SCAPER: variants seen among roughly 807,000 people sequenced by gnomAD.
SCAPER encodes S-phase cyclin A associated protein in the ER.
SCAPER carries 98 observed loss-of-function variants against 182.2 expected under a neutral mutation model. The ratio of observed to expected loss-of-function variants is 0.54; its 90% CI spans 0.46 to 0.64. The LOEUF (loss-of-function observed/expected upper bound fraction) is 0.64. Ranked by LOEUF, SCAPER falls within the 30% of genes least tolerant of loss-of-function variation. The pLI, the probability that SCAPER is intolerant of heterozygous loss-of-function variation, is 0.00. For synonymous variants in SCAPER, 605 were observed against 564.6 expected (o/e 1.07, Z -1.01); for missense variants, 1,432 against 1,690.0 (o/e 0.85, Z 2.68).
chr15:76,763,129 T>C (rs1568048616), intron 14 of SCAPER, among the ~76,000 whole-genome samples: 1 of 152,214 alleles, frequency 6.6e-6, no homozygotes, highest in African/African-American at 2.4e-5. Flanking sequence ...TCCATTAGCA[T>C]TTCTTCTCAG....
chr15:76,778,490 G>T (rs966258746), intron 8 of SCAPER, among the ~76,000 whole-genome samples: 2 of 152,054 alleles, frequency 1.3e-5, no homozygotes, highest in Non-Finnish European at 2.9e-5. Flanking sequence ...GGCAAGAAAT[G>T]CAAAGCAGTT....
intron 22 of SCAPER, 91 bp from the exon 23 acceptor site, chr15:76,574,375 A>G: frequency 1.4e-6 from 2 of 1,430,758 alleles, no homozygotes; most frequent in East Asian, 2.5e-5. Flanking sequence ...AGTTACTTTC[A>G]GTATTGGATT....
intron 21 of SCAPER, among the ~76,000 whole-genome samples, chr15:76,661,087 T>G (rs2056116470): frequency 6.6e-6 from 1 of 152,118 alleles, no homozygotes; most frequent in African/African-American, 2.4e-5. Context: ...CCCAATACAA[T>G]ACTATCACAA....
Position 76,851,404 on chromosome 15 carries a change from T to G in SCAPER, c.195+6405A>C, listed in dbSNP as rs1428088938. 6.6e-5 allele frequency among the ~76,000 whole-genome samples: 10 copies of G among 151,166 alleles called. No homozygotes were observed. In the East Asian group the frequency reaches 1.9e-3, roughly 29 times the overall value. On this transcript the variant is annotated intron_variant, in intron 4 of 31. Transcript: ENST00000563290. ...ATGTAATCATCAGATTTTCCAAGGT[T>G]GAAATGAAAGAAAAAATGTTGAAGG...
At chr15:76,669,467 C>G (rs920531856) in intron 20 of SCAPER, among the ~76,000 whole-genome samples, 2 of 152,156 alleles carry the variant, frequency 1.3e-5, no homozygotes, top group Non-Finnish European at 2.9e-5. Context: ...CCCATTATCT[C>G]CCAAAGACAT....
At chr15:76,756,885 T>C (rs913630232) in intron 14 of SCAPER, among the ~76,000 whole-genome samples, 1 of 151,962 alleles carries the variant, frequency 6.6e-6, no homozygotes, top group African/African-American at 2.4e-5. Flanking sequence ...TCATAGCTTA[T>C]TATATGATAA....
At chr15:76,393,553 T>C (rs1172604807) in intron 27 of SCAPER, among the ~76,000 whole-genome samples, 2 of 152,086 alleles carry the variant, frequency 1.3e-5, no homozygotes, top group African/African-American at 4.8e-5. Context: ...TAGGGTAGGG[T>C]GGAAAGTAGC....
intron 4 of SCAPER, among the ~76,000 whole-genome samples, chr15:76,857,458 AAAG>A (rs1290164164): frequency 6.6e-6 from 1 of 151,950 alleles, no homozygotes; most frequent in Non-Finnish European, 1.5e-5. Context: ...TAAAAAAAAA[AAAG>A]AAAAAAATTA....
chr15:76,842,728 A>G (rs1322037273), intron 4 of SCAPER, among the ~76,000 whole-genome samples: 1 of 152,164 alleles, frequency 6.6e-6, no homozygotes, highest in Non-Finnish European at 1.5e-5. Flanking sequence ...CACTTCTTAG[A>G]GTATGTATTA....
chr15:76,369,125 C>T (rs1378409311), intron 29 of SCAPER, among the ~76,000 whole-genome samples: 2 of 152,180 alleles, frequency 1.3e-5, no homozygotes, highest in Admixed American at 6.5e-5. Context: ...CTCAGTCTTT[C>T]CAGTTAATAG....
At chr15:76,741,058 T>C (rs2061512766) in intron 15 of SCAPER, among the ~76,000 whole-genome samples, 1 of 152,148 alleles carries the variant, frequency 6.6e-6, no homozygotes, top group Non-Finnish European at 1.5e-5. Flanking sequence ...TGAATTCTTG[T>C]GATTAACACG....
At chr15:76,620,911 T>A (rs11857107) in intron 22 of SCAPER, among the ~76,000 whole-genome samples, 3,403 of 152,222 alleles carry the variant, frequency 0.022, 79 homozygotes, top group Admixed American at 0.071. Flanking sequence ...CTGGGCTTAA[T>A]ACCTAGGTGA....
At chr15:76,716,592 G>C (rs1162272406) in intron 17 of SCAPER, among the ~76,000 whole-genome samples, 1 of 151,854 alleles carries the variant, frequency 6.6e-6, no homozygotes, top group Non-Finnish European at 1.5e-5. Flanking sequence ...ATCTGAATGA[G>C]AAATTCAATA....
chr15:76,354,972 C>G lies in SCAPER; in HGVS notation c.3856-832G>C, dbSNP rs1326684484. On this transcript the variant is annotated intron_variant, in intron 29 of 31. Coordinates refer to ENST00000563290, the MANE Select transcript of SCAPER (RefSeq NM_020843.4). This position sits in a 1 kb window ranked among gnomAD's most constrained non-coding sequence, Gnocchi z 4.4. Reference sequence around the variant, plus strand: ...GAGCTGGGTGACCCAAAGCCCACTTCGTGGTATAGGAGGAAGCTCCTAGAT... The same window carrying G: ...GAGCTGGGTGACCCAAAGCCCACTTGGTGGTATAGGAGGAAGCTCCTAGAT... Among the ~76,000 whole-genome samples, 4 of 152,180 alleles carry G rather than the reference C, an allele frequency of 2.6e-5. No homozygotes were observed. The highest frequency in any genetic ancestry group is 9.7e-5 in the African/African-American group (4 of 41,440).
chr15:76,613,812 A>G (rs561270314), intron 22 of SCAPER, among the ~76,000 whole-genome samples: 1 of 152,204 alleles, frequency 6.6e-6, no homozygotes, highest in Non-Finnish European at 1.5e-5. Context: ...TGTTGGTGGG[A>G]GTGTAAATTA....
chr15:76,741,770 T>C (rs1479738975), intron 15 of SCAPER, among the ~76,000 whole-genome samples: 3 of 152,152 alleles, frequency 2.0e-5, no homozygotes, highest in African/African-American at 7.2e-5. Flanking sequence ...TAGTTATTAT[T>C]ATCATTATCT....
At chr15:76,519,382 T>A (rs1345958951) in intron 23 of SCAPER, among the ~76,000 whole-genome samples, 1 of 152,198 alleles carries the variant, frequency 6.6e-6, no homozygotes, top group Non-Finnish European at 1.5e-5. Context: ...GAGGCCTTTT[T>A]AGCAGGGAAA....
At chr15:76,560,116 C>T (rs1336769854) in intron 23 of SCAPER, among the ~76,000 whole-genome samples, 1 of 151,766 alleles carries the variant, frequency 6.6e-6, no homozygotes, top group Non-Finnish European at 1.5e-5. Flanking sequence ...GTGTGCCCCT[C>T]TCCAAATTTA....
At chr15:76,848,393 A>G (rs1483593438) in intron 4 of SCAPER, among the ~76,000 whole-genome samples, 1 of 144,274 alleles carries the variant, frequency 6.9e-6, no homozygotes, top group East Asian at 2.1e-4. Flanking sequence ...CAGTGGTGCA[A>G]TCTCGGTTCG....
Sources: gnomAD v4.1 joint callset for allele counts (sites outside exome capture counted in the v4.1 genomes callset) on GRCh38, gnomAD v4.1.1 for gene constraint, Gnocchi (gnomAD v3.1) non-coding constraint, MANE v1.5 for transcripts, NCBI Gene and HGNC (gene_info 2026-07-23, HGNC 2026-07-21) for gene names.